Variants in EPB41L4B observed in about 807,000 individuals in gnomAD.
EPB41L4B encodes erythrocyte membrane protein band 4.1 like 4B.
Under a neutral mutation model 112.5 loss-of-function variants are expected in EPB41L4B, and 30 were observed. The observed-to-expected ratio is 0.27, with a 90% confidence interval of 0.20 to 0.36. EPB41L4B has a LOEUF of 0.36. Ranked by LOEUF, EPB41L4B falls within the 10% of genes least tolerant of loss-of-function variation. The pLI is 1.00. For missense variants in EPB41L4B, 1,024 were observed against 1,133.3 expected (o/e 0.90, Z 1.38); for synonymous variants, 408 against 439.7 (o/e 0.93, Z 0.90).
chr9:109,201,508 G>C (rs979418551), intron 19 of EPB41L4B, among the ~76,000 whole-genome samples: 2 of 149,468 alleles, frequency 1.3e-5, no homozygotes, highest in Non-Finnish European at 3.0e-5. Context: ...TGAGAAAATA[G>C]AGGATTTGAG....
chr9:109,206,679 A>G (rs1031066126), intron 18 of EPB41L4B, among the ~76,000 whole-genome samples: 10 of 152,192 alleles, frequency 6.6e-5, no homozygotes, highest in Admixed American at 2.0e-4. Context: ...GTCATGGTCC[A>G]CCAGGGATAC....
intron 7 of EPB41L4B, among the ~76,000 whole-genome samples, chr9:109,257,701 T>A (rs1588178002): frequency 6.6e-6 from 1 of 152,072 alleles, no homozygotes; most frequent in Non-Finnish European, 1.5e-5. Context: ...GCACATCTCT[T>A]AAGAGACAGA....
chr9:109,321,008 AGCCGCC>A lies in EPB41L4B; in HGVS notation c.-568_-563del, dbSNP rs752403352. 32 of 181,254 alleles carry A rather than the reference AGCCGCC, an allele frequency of 1.8e-4. No individual in the cohort carries two copies. The highest frequency in any genetic ancestry group is 2.6e-3 in the Middle Eastern group (1 of 378). The allele number at this position is 181,254 out of a possible 1,614,324, so 11.2% of individuals were successfully genotyped here. On this transcript the variant is annotated 5_prime_UTR_variant, in exon 1 of 26. Transcript: ENST00000374566. ...CTCCCACCTGGGAGGCTGCACCTCC[AGCCGCC>A]GCCGCCGCCGCCGCCGCCGCTGCCG... is the stretch of plus-strand genomic sequence containing the variant.
Position 109,275,726 on chromosome 9 carries a change from C to T in EPB41L4B, c.411+4091G>A, listed in dbSNP as rs748238746. ...GAAACAGATGTTATTACACTACCTC[C>T]ACTTTACAGCTAGGAAACTGAGACT... On this transcript the variant is annotated intron_variant, in intron 2 of 25. Coordinates refer to ENST00000374566, the MANE Select transcript of EPB41L4B (RefSeq NM_019114.5). Among the ~76,000 whole-genome samples, 62 of 152,142 alleles carry T rather than the reference C, an allele frequency of 4.1e-4. 2 individuals are homozygous for T. The highest frequency in any genetic ancestry group is 1.9e-4 in the Non-Finnish European group (13 of 68,036).
At chr9:109,301,753 T>C (rs1183116628) in intron 1 of EPB41L4B, among the ~76,000 whole-genome samples, 2 of 152,234 alleles carry the variant, frequency 1.3e-5, no homozygotes, top group Non-Finnish European at 2.9e-5. Flanking sequence ...CTACAACGCG[T>C]TGAGATAAAT....
chr9:109,279,051 C>G (rs1006669991), intron 2 of EPB41L4B, among the ~76,000 whole-genome samples: 3 of 152,146 alleles, frequency 2.0e-5, no homozygotes, highest in Non-Finnish European at 4.4e-5. Context: ...CCCCATCCAC[C>G]CCCAACCCCA....
intron 1 of EPB41L4B, 129 bp from the exon 2 acceptor site, chr9:109,280,050 A>T: frequency 1.6e-6 from 1 of 630,866 alleles, no homozygotes. Context: ...TTAAATTTGT[A>T]ATTAGTTTGA....
chr9:109,281,935 T>A lies in EPB41L4B; in HGVS notation c.307-2014A>T, dbSNP rs567084038. On this transcript the variant is annotated intron_variant, in intron 1 of 25. Coordinates refer to ENST00000374566, the MANE Select transcript of EPB41L4B (RefSeq NM_019114.5). Reference sequence around the variant, plus strand: ...AAACATATGTTCACGTAAAAACTTGTACACAAATGCTCATAGCAGTATTAT... The same window carrying A: ...AAACATATGTTCACGTAAAAACTTGAACACAAATGCTCATAGCAGTATTAT... 2.6e-5 allele frequency among the ~76,000 whole-genome samples: 4 copies of A among 152,302 alleles called. No individual in the cohort carries two copies. In the South Asian group the frequency reaches 8.3e-4, roughly 32 times the overall value.
At chr9:109,315,876 A>G (rs1344707924) in intron 1 of EPB41L4B, among the ~76,000 whole-genome samples, 1 of 152,048 alleles carries the variant, frequency 6.6e-6, no homozygotes, top group East Asian at 1.9e-4. Context: ...ACTACATCCA[A>G]CTTCCAATTT....
At chr9:109,301,089 T>C (rs913768226) in intron 1 of EPB41L4B, 1 of 152,180 alleles carries the variant, frequency 6.6e-6, no homozygotes, top group African/African-American at 2.4e-5. Context: ...TCCAACAACA[T>C]AAAAATAAAA....
chr9:109,203,644 C>T lies in EPB41L4B; in HGVS notation c.1946+19G>A. 1 of 1,591,706 alleles carries T rather than the reference C, an allele frequency of 6.3e-7. No homozygotes were observed. ...ATACAGAGAATATCATTTCCCCATT[C>T]AGACAAGGAGCAACAGACCTTACAC... On this transcript the variant is annotated intron_variant, in intron 19 of 25. Coordinates refer to ENST00000374566, the MANE Select transcript of EPB41L4B (RefSeq NM_019114.5).
intron 15 of EPB41L4B, chr9:109,240,049 A>G (rs886079099): frequency 5.1e-6 from 5 of 985,364 alleles, no homozygotes; most frequent in Non-Finnish European, 6.0e-6. Flanking sequence ...CTGAATGCTC[A>G]CCTTCAGACT....
chr9:109,180,585 C>T (rs1415776899), intron 24 of EPB41L4B, among the ~76,000 whole-genome samples: 2 of 152,236 alleles, frequency 1.3e-5, no homozygotes, highest in Non-Finnish European at 2.9e-5. Flanking sequence ...CCTCCGCCTG[C>T]CCTGCTGGAC....
At chr9:109,294,132 C>A (rs1346541362) in intron 1 of EPB41L4B, among the ~76,000 whole-genome samples, 1 of 151,264 alleles carries the variant, frequency 6.6e-6, no homozygotes, top group Non-Finnish European at 1.5e-5. Flanking sequence ...CAGTGAAACC[C>A]CATTTCTACG....
chr9:109,240,210 A>C, intron 15 of EPB41L4B: 1 of 985,468 alleles, frequency 1.0e-6, no homozygotes, highest in Non-Finnish European at 1.2e-6. Flanking sequence ...AAATGCTATC[A>C]ATAAGATGAA....
chr9:109,259,162 C>T (rs976517811), intron 6 of EPB41L4B, among the ~76,000 whole-genome samples: 3 of 152,176 alleles, frequency 2.0e-5, no homozygotes, highest in Admixed American at 6.5e-5. Context: ...TTGCCCAAAA[C>T]GCAGAACCTG....
At chr9:109,258,110 A>C in intron 7 of EPB41L4B, 67 bp downstream of exon 7, 1 of 1,528,684 alleles carries the variant, frequency 6.5e-7, no homozygotes, top group South Asian at 1.2e-5. Context: ...TAGATAAAGG[A>C]GTGTGATCAA....
rs368381956 is a variant in EPB41L4B at position 109,258,281 on chromosome 9, G to C, written c.648C>G (p.Cys216Trp). 5 of 1,613,332 alleles carry C rather than the reference G, an allele frequency of 3.1e-6. No individual in the cohort carries two copies. Among genetic ancestry groups the C allele is most frequent in the Non-Finnish European group, 4.2e-6 (5 of 1,179,392 alleles). Reference protein sequence around the residue: ...ALCLQAELGECELPEHTPELV... With the variant: ...ALCLQAELGEWELPEHTPELV... ...GCTCTGGTGTGTGTTCTGGAAGCTC[G>C]CACTCCCCAAGCTCCGCTGTAAGTT... The change falls in exon 7 of 26, where the codon TGC becomes TGG. Residue 216 changes from cysteine (C) to tryptophan (W), a missense_variant. Coordinates refer to ENST00000374566, the MANE Select transcript of EPB41L4B (RefSeq NM_019114.5).
chr9:109,207,815 C>T, intron 18 of EPB41L4B, 109 bp downstream of exon 18: 3 of 1,401,956 alleles, frequency 2.1e-6, no homozygotes, highest in South Asian at 2.7e-5. Flanking sequence ...CATCTCCTGA[C>T]TGGACCCTGA....
Sources: gnomAD v4.1 joint callset for allele counts (sites outside exome capture counted in the v4.1 genomes callset) on GRCh38, gnomAD v4.1.1 for gene constraint, MANE v1.5 for transcripts, NCBI Gene and HGNC (gene_info 2026-07-23, HGNC 2026-07-21) for gene names.